TBC1D22B: variants seen among roughly 807,000 people sequenced by gnomAD.
TBC1D22B encodes chromosome 6 open reading frame 197.
TBC1D22B carries 32 observed loss-of-function variants against 69.1 expected under a neutral mutation model. That is an observed-to-expected ratio of 0.46 (90% CI 0.35 to 0.62). The LOEUF is 0.62. Among genes scored for constraint, TBC1D22B ranks in the 20% least tolerant of loss-of-function variants. The pLI, the probability that TBC1D22B is intolerant of heterozygous loss-of-function variation, is 0.00. For missense variants in TBC1D22B, 462 were observed against 630.9 expected, an observed-to-expected ratio of 0.73 and a Z score of 2.87; for synonymous variants, 206 against 229.8, an observed-to-expected ratio of 0.90 and a Z score of 0.94.
chr6:37,261,312 G>C (rs1324819952), intron 1 of TBC1D22B, among the ~76,000 whole-genome samples: 2 of 151,656 alleles, frequency 1.3e-5, no homozygotes, highest in Non-Finnish European at 2.9e-5. Context: ...TGTGCCTGTA[G>C]TCCCAGCTAC....
chr6:37,291,386 A>C (rs1767176207), intron 8 of TBC1D22B, 29 bp downstream of exon 8: 2 of 1,462,594 alleles, frequency 1.4e-6, no homozygotes, highest in African/African-American at 1.4e-5. Flanking sequence ...AAGCTGAACA[A>C]GCTATTGCTC....
Position 37,291,368 on chromosome 6 carries a change from T to A in TBC1D22B, c.982+11T>A. ...TCTCAGAATATGTGGGTAAGAAGCATTAGTACCAAGCTGAACAAGCTATTG... is the reference window on the plus strand; with the variant it reads ...TCTCAGAATATGTGGGTAAGAAGCAATAGTACCAAGCTGAACAAGCTATTG... On this transcript the variant is annotated intron_variant, in intron 8 of 12. Transcript: ENST00000373491. The A allele has an allele frequency of 6.4e-7, 1 of 1,569,708 alleles. No individual in the cohort carries two copies. Among genetic ancestry groups the A allele is most frequent in the Non-Finnish European group, 8.7e-7 (1 of 1,148,250 alleles).
chr6:37,324,130 G>A (rs145782358), intron 12 of TBC1D22B: 1 of 347,586 alleles, frequency 2.9e-6, no homozygotes, highest in East Asian at 7.7e-5. Context: ...TTACATGCTT[G>A]AATACACTAT....
intron 6 of TBC1D22B, 40 bp from the exon 7 acceptor site, chr6:37,286,967 A>G (rs753563468): frequency 6.4e-7 from 1 of 1,571,008 alleles, no homozygotes; most frequent in Non-Finnish European, 8.6e-7. Flanking sequence ...ACAAAAAAAA[A>G]CTGGCATTTG....
At chr6:37,310,359 T>G (rs904191226) in intron 8 of TBC1D22B, among the ~76,000 whole-genome samples, 3 of 151,780 alleles carry the variant, frequency 2.0e-5, no homozygotes, top group Admixed American at 2.0e-4. Flanking sequence ...ATGATATTTC[T>G]TGGAAGAATT....
At chr6:37,267,210 C>G (rs964795453) in intron 1 of TBC1D22B, among the ~76,000 whole-genome samples, 1 of 150,636 alleles carries the variant, frequency 6.6e-6, no homozygotes, top group Non-Finnish European at 1.5e-5. Flanking sequence ...CCTGGGATTA[C>G]AGATGTGAGC....
intron 6 of TBC1D22B, among the ~76,000 whole-genome samples, chr6:37,285,885 G>T (rs1190103238): frequency 6.6e-6 from 1 of 152,204 alleles, no homozygotes; most frequent in Non-Finnish European, 1.5e-5. Flanking sequence ...GCCTCCCAAA[G>T]TGCTGGGATC....
chr6:37,323,801 G>A (rs1002095324), intron 12 of TBC1D22B, among the ~76,000 whole-genome samples: 1 of 152,184 alleles, frequency 6.6e-6, no homozygotes, highest in African/African-American at 2.4e-5. Context: ...TTCACACAAG[G>A]GTTCAGAGGG....
chr6:37,286,796 T>C (rs899965655), intron 6 of TBC1D22B, among the ~76,000 whole-genome samples: 5 of 151,808 alleles, frequency 3.3e-5, no homozygotes, highest in East Asian at 2.0e-4. Flanking sequence ...ATGCAAAAAT[T>C]AGCCAGGCCT....
At chr6:37,326,392 A>AAG (rs1554187983) in intron 12 of TBC1D22B, among the ~76,000 whole-genome samples, 7 of 151,414 alleles carry the variant, frequency 4.6e-5, no homozygotes, top group African/African-American at 1.7e-4. Flanking sequence ...AAAAAAAAAA[A>AAG]AAGTATTCTC....
At chr6:37,292,931 C>T (rs925011415) in intron 8 of TBC1D22B, among the ~76,000 whole-genome samples, 1 of 152,026 alleles carries the variant, frequency 6.6e-6, no homozygotes, top group Non-Finnish European at 1.5e-5. Context: ...GTAGTTACTG[C>T]ATTTTTATAA....
At chr6:37,327,716 T>C (rs1768469656) in intron 12 of TBC1D22B, among the ~76,000 whole-genome samples, 1 of 152,052 alleles carries the variant, frequency 6.6e-6, no homozygotes, top group South Asian at 2.1e-4. Flanking sequence ...GTTGAATAAC[T>C]GGTCTGGTTG....
chr6:37,278,773 T>A (rs972796843), intron 2 of TBC1D22B, among the ~76,000 whole-genome samples: 11 of 151,922 alleles, frequency 7.2e-5, no homozygotes, highest in African/African-American at 2.7e-4. Context: ...CTACAAAAAA[T>A]AATAATAAAA....
chr6:37,303,660 G>T (rs117473098), intron 8 of TBC1D22B, among the ~76,000 whole-genome samples: 1 of 152,108 alleles, frequency 6.6e-6, no homozygotes, highest in Non-Finnish European at 1.5e-5. Flanking sequence ...GCATGTAAAG[G>T]CCCTGTGACC....
chr6:37,259,112 C>T (rs1179664081), intron 1 of TBC1D22B, among the ~76,000 whole-genome samples: 1 of 151,602 alleles, frequency 6.6e-6, no homozygotes, highest in Non-Finnish European at 1.5e-5. Flanking sequence ...CTTGCCTTGG[C>T]CTCCCAAAGT....
intron 10 of TBC1D22B, among the ~76,000 whole-genome samples, chr6:37,315,587 T>C (rs1768053003): frequency 6.6e-6 from 1 of 151,928 alleles, no homozygotes. Context: ...AGAAATAACT[T>C]GTTTTTTGAG....
intron 3 of TBC1D22B, among the ~76,000 whole-genome samples, chr6:37,281,171 C>T (rs945629542): frequency 6.6e-6 from 1 of 152,230 alleles, no homozygotes; most frequent in African/African-American, 2.4e-5. Flanking sequence ...GTTTTAGAGT[C>T]AGGCTTACCT....
At chr6:37,292,384 A>G (rs1318113612) in intron 8 of TBC1D22B, among the ~76,000 whole-genome samples, 1 of 152,146 alleles carries the variant, frequency 6.6e-6, no homozygotes, top group African/African-American at 2.4e-5. Context: ...TGGGGCTCAA[A>G]GGGATGATGA....
intron 2 of TBC1D22B, among the ~76,000 whole-genome samples, chr6:37,274,878 C>A (rs1217079867): frequency 6.6e-6 from 1 of 152,096 alleles, no homozygotes; most frequent in Non-Finnish European, 1.5e-5. Context: ...TTGGTGAAAC[C>A]CTGTCTCTAC....
Sources: allele counts gnomAD v4.1 joint callset (sites outside exome capture counted in the v4.1 genomes callset), GRCh38; gene constraint gnomAD v4.1.1; transcripts MANE v1.5; gene names NCBI Gene and HGNC (gene_info 2026-07-23, HGNC 2026-07-21).